Variants in CTNNA2 observed in about 807,000 individuals in gnomAD.
The protein encoded by CTNNA2 is catenin alpha 2.
CTNNA2 carries 42 observed loss-of-function variants against 101.0 expected under a neutral mutation model. That is an observed-to-expected ratio of 0.42 (90% CI 0.32 to 0.54). The LOEUF (loss-of-function observed/expected upper bound fraction) is 0.54, where lower values mean the gene tolerates loss of function less well. CTNNA2 is among the 20% of genes least tolerant of loss of function. The pLI, the probability that CTNNA2 is intolerant of heterozygous loss-of-function variation, is 0.14. For missense variants in CTNNA2, 871 were observed against 1,223.1 expected (o/e 0.71, Z 4.29); for synonymous variants, 450 against 456.4 (o/e 0.99, Z 0.18).
intron 4 of CTNNA2, among the ~76,000 whole-genome samples, chr2:79,440,673 C>A (rs1386388848): frequency 6.6e-6 from 1 of 152,038 alleles, no homozygotes; most frequent in Admixed American, 6.6e-5. Flanking sequence ...CTTCATTAAC[C>A]CATCTTGAGT....
intron 9 of CTNNA2, among the ~76,000 whole-genome samples, chr2:80,491,051 T>G (rs950661639): frequency 1.3e-5 from 2 of 152,212 alleles, no homozygotes; most frequent in African/African-American, 4.8e-5. Context: ...TACCACTAGA[T>G]AGGTATGTTT....
intron 2 of CTNNA2, among the ~76,000 whole-genome samples, chr2:79,681,569 CA>C: frequency 6.6e-6 from 1 of 152,314 alleles, no homozygotes. Flanking sequence ...TCAATGTCCA[CA>C]AGTGTTATTA....
intron 7 of CTNNA2, among the ~76,000 whole-genome samples, chr2:79,948,270 C>T (rs7568277): frequency 0.014 from 2,075 of 152,234 alleles, 54 homozygotes; most frequent in African/African-American, 0.048. Context: ...CCATGGTTGC[C>T]GGCTGGTATA....
chr2:79,842,480 C>G (rs929805820), intron 3 of CTNNA2, among the ~76,000 whole-genome samples: 5 of 152,086 alleles, frequency 3.3e-5, no homozygotes, highest in Admixed American at 2.6e-4. Context: ...TAGCATCATC[C>G]GCTTCTAAGT....
At chr2:80,335,130 G>A (rs1671659210) in intron 7 of CTNNA2, among the ~76,000 whole-genome samples, 1 of 152,188 alleles carries the variant, frequency 6.6e-6, no homozygotes, top group African/African-American at 2.4e-5. Context: ...ATGAGGTTAG[G>A]AAAAGAATAT....
chr2:80,211,851 C>T (rs886398429), intron 7 of CTNNA2, among the ~76,000 whole-genome samples: 10 of 151,394 alleles, frequency 6.6e-5, no homozygotes, highest in South Asian at 2.1e-4. Flanking sequence ...TACCCATAAG[C>T]GTGGAATGTT....
chr2:80,539,150 T>C (rs1238175462), intron 9 of CTNNA2, among the ~76,000 whole-genome samples: 1 of 152,098 alleles, frequency 6.6e-6, no homozygotes, highest in Non-Finnish European at 1.5e-5. Flanking sequence ...TCCTGAGTTA[T>C]TTTTGTCAAT....
intron 11 of CTNNA2, among the ~76,000 whole-genome samples, chr2:80,547,239 C>T (rs1026754073): frequency 6.6e-6 from 1 of 152,144 alleles, no homozygotes; most frequent in African/African-American, 2.4e-5. Flanking sequence ...AATGATGGGG[C>T]AAGCCAAGGC....
chr2:80,036,846 T>A (rs868221958), intron 7 of CTNNA2, among the ~76,000 whole-genome samples: 7 of 109,150 alleles, frequency 6.4e-5, no homozygotes, highest in South Asian at 3.8e-4. Context: ...TGTGTGTGTG[T>A]GTGAGAGAGA....
At chr2:79,971,335 T>A (rs2104571171) in intron 7 of CTNNA2, among the ~76,000 whole-genome samples, 2 of 152,350 alleles carry the variant, frequency 1.3e-5, no homozygotes, top group Non-Finnish European at 2.9e-5. Flanking sequence ...ACTATTATCA[T>A]CATATTTCCT....
chr2:79,704,510 CT>C lies in CTNNA2; in HGVS notation c.103-39857del, dbSNP rs780311540. 6.3e-3 allele frequency among the ~76,000 whole-genome samples: 805 copies of C among 127,554 alleles called. 4 individuals are homozygous for C. The highest frequency in any genetic ancestry group is 0.021 in the African/African-American group (707 of 34,320). The allele number at this position is 127,554 out of a possible 152,430, so 83.7% of individuals were successfully genotyped here. On this transcript the variant is annotated intron_variant, in intron 2 of 18. Coordinates refer to ENST00000402739, the MANE Select transcript of CTNNA2 (RefSeq NM_001282597.3). ...GTTCTGAGCATATTCACTTGTGCTT[CT>C]TTTTTTTTTTTTTTTTTTTGAGACG...
rs556789669 is a variant in CTNNA2, at chr2:79,468,466, T to C, written c.-134-36588T>C. 1.9e-4 allele frequency among the ~76,000 whole-genome samples: 29 copies of C among 152,206 alleles called. 1 individual carries two copies. In the South Asian group the frequency reaches 5.6e-3, roughly 29 times the overall value. ...CACCCCACTGTCAACATTAGACAGA[T>C]CAACGAGACAGAAAGTCAACAAGGA... On this transcript the variant is annotated intron_variant, in intron 4 of 21. Transcript: ENST00000466387.
chr2:79,457,652 C>A, intron 4 of CTNNA2, among the ~76,000 whole-genome samples: 1 of 151,802 alleles, frequency 6.6e-6, no homozygotes, highest in African/African-American at 2.4e-5. Flanking sequence ...TCTTTTTCTA[C>A]TTACCTTAGT....
intron 7 of CTNNA2, among the ~76,000 whole-genome samples, chr2:80,310,065 A>T (rs916677196): frequency 5.9e-5 from 9 of 152,160 alleles, no homozygotes; most frequent in Non-Finnish European, 1.3e-4. Flanking sequence ...AGGTAATTAA[A>T]TTTTGAGATG....
At chr2:80,124,732 T>A (rs1447779654) in intron 7 of CTNNA2, among the ~76,000 whole-genome samples, 1 of 152,170 alleles carries the variant, frequency 6.6e-6, no homozygotes, top group Non-Finnish European at 1.5e-5. Context: ...CATGCATTGC[T>A]TTTCCCAGGG....
chr2:80,528,320 C>T (rs1441626766), intron 9 of CTNNA2, among the ~76,000 whole-genome samples: 1 of 152,146 alleles, frequency 6.6e-6, no homozygotes, highest in East Asian at 1.9e-4. Flanking sequence ...CCTCAGCCTC[C>T]TGAGTAGCTG....
At chr2:80,472,921 C>T (rs558601916) in intron 9 of CTNNA2, among the ~76,000 whole-genome samples, 23 of 152,258 alleles carry the variant, frequency 1.5e-4, no homozygotes, top group African/African-American at 4.8e-4. Flanking sequence ...AGGTCTGCCT[C>T]GCCCCATCCC....
chr2:79,733,634 CAT>C (rs111856699), intron 2 of CTNNA2, among the ~76,000 whole-genome samples: 10,671 of 152,106 alleles, frequency 0.07, 553 homozygotes, highest in African/African-American at 0.15. Flanking sequence ...CCATTTATCA[CAT>C]GTGACATGTG....
intron 2 of CTNNA2, among the ~76,000 whole-genome samples, chr2:79,288,681 G>T (rs945746403): frequency 6.6e-6 from 1 of 152,118 alleles, no homozygotes; most frequent in African/African-American, 2.4e-5. Flanking sequence ...AGTTCCAACT[G>T]CTGTTTTTCT....
Sources: allele counts gnomAD v4.1 joint callset (sites outside exome capture counted in the v4.1 genomes callset), GRCh38; gene constraint gnomAD v4.1.1; transcripts MANE v1.5; gene names NCBI Gene and HGNC (gene_info 2026-07-23, HGNC 2026-07-21).